The following MGST2 variants were observed in gnomAD, a reference collection of about 807,000 sequenced individuals.
MGST2 encodes glutathione peroxidase MGST2.
A neutral mutation model predicts 16.6 loss-of-function variants in MGST2; 9 were observed. The observed-to-expected ratio is 0.54, with a 90% confidence interval of 0.33 to 0.95. The LOEUF (loss-of-function observed/expected upper bound fraction) is 0.95, where lower values mean the gene tolerates loss of function less well. MGST2 is among the 40% of genes least tolerant of loss of function. The probability of loss-of-function intolerance (pLI) is 0.03; values close to 1 mark genes in which losing one functional copy is unlikely to be tolerated. For synonymous variants in MGST2, 79 were observed against 68.0 expected (o/e 1.16, Z -0.79); for missense variants, 159 against 175.1 (o/e 0.91, Z 0.52).
chr4:139,735,319 C>A lies in MGST2; in HGVS notation c.*49-4893C>A, dbSNP rs1188910409. Among the ~76,000 whole-genome samples, 2 of 152,190 alleles carry A rather than the reference C, an allele frequency of 1.3e-5. No homozygotes were observed. Among genetic ancestry groups the A allele is most frequent in the Non-Finnish European group, 2.9e-5 (2 of 68,036 alleles). On this transcript the variant is annotated intron_variant, in intron 5 of 5. Transcript: ENST00000616265. This position sits in a 1 kb window ranked among gnomAD's most constrained non-coding sequence, Gnocchi z 5.8. ...GTGTATCTCTGGGGTTATCTGCCCC[C>A]CTCCTCCGACTGACACTGAACTGGT...
At chr4:139,719,717 T>A in intron 5 of MGST2, 1 of 1,613,738 alleles carries the variant, frequency 6.2e-7, no homozygotes, top group South Asian at 1.1e-5. Flanking sequence ...CACGACTGAC[T>A]GGCTCAGTCC....
At chr4:139,739,439 C>T (rs1036501719) in intron 5 of MGST2, among the ~76,000 whole-genome samples, 1 of 152,178 alleles carries the variant, frequency 6.6e-6, no homozygotes, top group Non-Finnish European at 1.5e-5. Flanking sequence ...TTTCGTCTGC[C>T]TTTGATGTAA....
Position 139,697,170 on chromosome 4 carries a change from G to A in MGST2, c.229+1903G>A, listed in dbSNP as rs577421822. On this transcript the variant is annotated intron_variant, in intron 3 of 4. Coordinates refer to ENST00000265498, the MANE Select transcript of MGST2 (RefSeq NM_002413.5). ...TTTTTCCTTAAGGCTCAGGGGGTTA[G>A]CAACTTTATAGATAAGGGCAGTCCT... Among the ~76,000 whole-genome samples the A allele has an allele frequency of 2.6e-5, 4 of 152,180 alleles. No individual in the cohort carries two copies. In the South Asian group the frequency reaches 8.3e-4, roughly 32 times the overall value.
Position 139,672,577 on chromosome 4 carries a change from C to CTTT in MGST2, c.59-5952_59-5950dup, listed in dbSNP as rs34915408. ...AACTCCAATCCCAAGCATTTACACA[C>CTTT]TTTTTTTTTTTTTTTTGACTCGGAG... On this transcript the variant is annotated intron_variant, in intron 1 of 4. Coordinates refer to ENST00000265498, the MANE Select transcript of MGST2 (RefSeq NM_002413.5). Among the ~76,000 whole-genome samples the CTTT allele has an allele frequency of 8.1e-4, 116 of 142,582 alleles. 1 individual carries two copies. The highest frequency in any genetic ancestry group is 2.9e-3 in the African/African-American group (114 of 38,798). The allele number at this position is 142,582 out of a possible 152,430, so 93.5% of individuals were successfully genotyped here.
downstream of MGST2, among the ~76,000 whole-genome samples, chr4:139,706,472 T>C (rs924166525): frequency 3.3e-4 from 50 of 152,256 alleles, no homozygotes; most frequent in African/African-American, 1.1e-3. Context: ...TTTTCAGTTA[T>C]GATCGTGACT....
intron 5 of MGST2, chr4:139,718,953 T>C (rs1728108079): frequency 5.1e-6 from 1 of 196,386 alleles, no homozygotes; most frequent in African/African-American, 2.3e-5. Flanking sequence ...CAGGAGGGGC[T>C]GAGGATACCT....
chr4:139,718,313 C>T (rs549485267), intron 5 of MGST2: 7 of 152,348 alleles, frequency 4.6e-5, no homozygotes, highest in African/African-American at 1.4e-4. Context: ...GTTCTTCCTG[C>T]ATTTATGTGG....
the MGST2 span, among the ~76,000 whole-genome samples, chr4:139,754,414 A>G: frequency 6.6e-6 from 1 of 152,208 alleles, no homozygotes; most frequent in Non-Finnish European, 1.5e-5. Flanking sequence ...TTCCAACCAA[A>G]ACATTCATTC....
intron 5 of MGST2, chr4:139,731,386 A>G: frequency 7.2e-6 from 1 of 138,800 alleles, no homozygotes; most frequent in East Asian, 2.2e-4. Context: ...GTGGATCACG[A>G]GGTCAGTTCG....
intron 1 of MGST2, among the ~76,000 whole-genome samples, chr4:139,676,296 A>G (rs1202186243): frequency 1.3e-5 from 2 of 152,030 alleles, no homozygotes; most frequent in Non-Finnish European, 1.5e-5. Flanking sequence ...TGATTTATTT[A>G]TCTACTCACC....
chr4:139,723,564 G>A (rs1264529092), intron 5 of MGST2, among the ~76,000 whole-genome samples: 1 of 152,082 alleles, frequency 6.6e-6, no homozygotes, highest in Non-Finnish European at 1.5e-5. Context: ...TGCCCGCCTC[G>A]GCCTCCCAAC....
At chr4:139,703,889 A>C in intron 4 of MGST2, 127 bp from the exon 5 acceptor site, 1 of 1,231,586 alleles carries the variant, frequency 8.1e-7, no homozygotes. Flanking sequence ...TGATGAGCTA[A>C]AATTTTCAAA....
At chr4:139,703,628 T>C in intron 4 of MGST2, 92 bp downstream of exon 4, 4 of 1,219,010 alleles carry the variant, frequency 3.3e-6, no homozygotes, top group Non-Finnish European at 4.8e-6. Context: ...TTAACAGCAC[T>C]GTGAGTTGTG....
chr4:139,730,362 G>C, intron 5 of MGST2: 1 of 1,486,496 alleles, frequency 6.7e-7, no homozygotes, highest in Non-Finnish European at 9.1e-7. Flanking sequence ...GCAGGCAGGT[G>C]CTGAATAAGT....
chr4:139,681,576 AGTT>A (rs1344525453), intron 2 of MGST2, among the ~76,000 whole-genome samples: 1 of 152,054 alleles, frequency 6.6e-6, no homozygotes, highest in East Asian at 1.9e-4. Flanking sequence ...ATTGCTTTTT[AGTT>A]GTTGGTGCTG....
intron 4 of MGST2, 124 bp from the exon 5 acceptor site, chr4:139,703,892 T>A (rs1727407282): frequency 7.9e-7 from 1 of 1,272,686 alleles, no homozygotes; most frequent in Non-Finnish European, 1.1e-6. Context: ...TGAGCTAAAA[T>A]TTTCAAATTG....
At chr4:139,728,582 G>A (rs1728570780) in intron 5 of MGST2, among the ~76,000 whole-genome samples, 1 of 152,198 alleles carries the variant, frequency 6.6e-6, no homozygotes, top group African/African-American at 2.4e-5. Flanking sequence ...TTGGCCCTGA[G>A]GAAAGTGATC....
chr4:139,697,100 A>G (rs1726967855), intron 3 of MGST2, among the ~76,000 whole-genome samples: 1 of 152,108 alleles, frequency 6.6e-6, no homozygotes, highest in Admixed American at 6.6e-5. Context: ...TTGTTGTCCA[A>G]GCTTTTTTTT....
At chr4:139,710,469 T>C (rs1305463082) in intron 5 of MGST2, among the ~76,000 whole-genome samples, 2 of 152,204 alleles carry the variant, frequency 1.3e-5, no homozygotes, top group South Asian at 2.1e-4. Context: ...TGGCTTGAAT[T>C]GATTGGAACT....
Sources: gnomAD v4.1 joint callset for allele counts (sites outside exome capture counted in the v4.1 genomes callset) on GRCh38, gnomAD v4.1.1 for gene constraint, Gnocchi (gnomAD v3.1) non-coding constraint, MANE v1.5 for transcripts, NCBI Gene and HGNC (gene_info 2026-07-23, HGNC 2026-07-21) for gene names.